The following CDH13 variants were observed in gnomAD, a reference collection of about 807,000 sequenced individuals.
CDH13 encodes the protein cadherin 13, also known as cadherin-13.
CDH13 carries 24 observed loss-of-function variants against 63.8 expected under a neutral mutation model. The ratio of observed to expected loss-of-function variants is 0.38; its 90% confidence interval spans 0.27 to 0.53. The LOEUF is 0.53. CDH13 is among the 20% of genes least tolerant of loss of function. The pLI, the probability that CDH13 is intolerant of heterozygous loss-of-function variation, is 0.85. For missense variants in CDH13, 1,049 were observed against 903.1 expected (o/e 1.16, Z -2.07); for synonymous variants, 503 against 355.3 (o/e 1.42, Z -4.67).
chr16:82,767,883 A>C (rs144503708), intron 1 of CDH13, among the ~76,000 whole-genome samples: 18 of 152,168 alleles, frequency 1.2e-4, no homozygotes, highest in Admixed American at 1.3e-4. Context: ...CTTTCCAGGG[A>C]GGGGCTAGAC....
chr16:83,464,723 C>T (rs907533881), intron 6 of CDH13, among the ~76,000 whole-genome samples: 5 of 152,264 alleles, frequency 3.3e-5, no homozygotes, highest in Middle Eastern at 3.4e-3. Flanking sequence ...ACCATAACCT[C>T]ATTTTAACTA....
intron 1 of CDH13, among the ~76,000 whole-genome samples, chr16:82,685,729 G>A (rs902644165): frequency 2.6e-5 from 4 of 152,162 alleles, no homozygotes; most frequent in African/African-American, 7.2e-5. Context: ...GGCAGCTTTC[G>A]CTTCAGTTGG....
intron 6 of CDH13, among the ~76,000 whole-genome samples, chr16:83,455,430 C>T (rs1379971720): frequency 2.6e-5 from 4 of 152,078 alleles, no homozygotes; most frequent in South Asian, 2.1e-4. Flanking sequence ...CCATTGCTGC[C>T]GTGTCTCTGT....
chr16:83,791,721 G>A (rs1324578552), intron 13 of CDH13, among the ~76,000 whole-genome samples: 2 of 145,858 alleles, frequency 1.4e-5, no homozygotes, highest in Non-Finnish European at 3.0e-5. Flanking sequence ...TGAGGCAGGA[G>A]AATCGCTTGA....
intron 7 of CDH13, among the ~76,000 whole-genome samples, chr16:83,547,699 G>A (rs894862547): frequency 1.3e-5 from 2 of 152,194 alleles, no homozygotes; most frequent in African/African-American, 4.8e-5. Flanking sequence ...CCAGTCTACA[G>A]TTGATGGGCA....
At chr16:83,132,611 T>G (rs895506255) in intron 4 of CDH13, among the ~76,000 whole-genome samples, 1 of 151,934 alleles carries the variant, frequency 6.6e-6, no homozygotes, top group South Asian at 2.1e-4. Context: ...GCCCAGCTAA[T>G]TTTTGTATTT....
intron 8 of CDH13, among the ~76,000 whole-genome samples, chr16:83,634,714 T>G (rs1396821667): frequency 6.6e-6 from 1 of 152,154 alleles, no homozygotes; most frequent in Non-Finnish European, 1.5e-5. Context: ...ATGAGCTCTT[T>G]TCACTAAGCA....
intron 4 of CDH13, among the ~76,000 whole-genome samples, chr16:83,157,738 T>TAAAAAAAAAAA (rs58336254): frequency 2.0e-5 from 2 of 99,526 alleles, no homozygotes; most frequent in African/African-American, 3.2e-5. Flanking sequence ...ACTAGAAATA[T>TAAAAAAAAAAA]AAAAAAAAAA....
At chr16:83,120,763 C>CTTTTTTTTTTT (rs750711823) in intron 3 of CDH13, among the ~76,000 whole-genome samples, 13,542 of 58,698 alleles carry the variant, frequency 0.23, 1,608 homozygotes, top group South Asian at 0.38. Context: ...AATTTTCTTT[C>CTTTTTTTTTTT]TTTTTTTTTT....
At chr16:83,502,290 G>T (rs1049696728) in intron 7 of CDH13, among the ~76,000 whole-genome samples, 8 of 152,192 alleles carry the variant, frequency 5.3e-5, no homozygotes, top group African/African-American at 1.9e-4. Context: ...GGGAATGGCT[G>T]GGTTGGAGAT....
At chr16:83,084,692 C>T (rs574535175) in intron 3 of CDH13, among the ~76,000 whole-genome samples, 12 of 152,116 alleles carry the variant, frequency 7.9e-5, no homozygotes, top group East Asian at 7.7e-4. Context: ...AGTTTGAGAC[C>T]GGCCTGGCCA....
chr16:82,670,169 A>G (rs752016613), intron 1 of CDH13, among the ~76,000 whole-genome samples: 47 of 152,136 alleles, frequency 3.1e-4, no homozygotes, highest in Non-Finnish European at 8.8e-5. Flanking sequence ...GGGAAGTTTT[A>G]ATAAAGTAGA....
chr16:83,688,817 G>C (rs9938488), intron 10 of CDH13, among the ~76,000 whole-genome samples: 38,160 of 152,104 alleles, frequency 0.25, 5,163 homozygotes, highest in East Asian at 0.36. Context: ...TATTAGCACA[G>C]ATGACTCTTG....
At chr16:83,046,811 T>A (rs1377221639) in intron 3 of CDH13, among the ~76,000 whole-genome samples, 1 of 152,140 alleles carries the variant, frequency 6.6e-6, no homozygotes, top group Non-Finnish European at 1.5e-5. Context: ...CCACCCTTCC[T>A]CTCCAACCTT....
In CDH13 at chr16:83,275,045, G is replaced by T. The variant is rs559011139; in HGVS notation, c.636+57548G>T. Among the ~76,000 whole-genome samples, 156 of 152,230 alleles carry T rather than the reference G, an allele frequency of 1.0e-3. 1 individual carries two copies. The highest frequency in any genetic ancestry group is 3.7e-4 in the Non-Finnish European group (25 of 68,024). ...TTATTTTTATCCAGAGAACTTGTCT[G>T]TCACTTCCCACTATTATACATGAGG... On this transcript the variant is annotated intron_variant, in intron 5 of 13. Coordinates refer to ENST00000567109, the MANE Select transcript of CDH13 (RefSeq NM_001257.5).
At chr16:82,659,462 G>T (rs1256596114) in intron 1 of CDH13, among the ~76,000 whole-genome samples, 1 of 152,166 alleles carries the variant, frequency 6.6e-6, no homozygotes, top group Non-Finnish European at 1.5e-5. Context: ...CTTAAAAATG[G>T]CAGCAAGCAG....
intron 2 of CDH13, among the ~76,000 whole-genome samples, chr16:83,005,920 C>T (rs117411422): frequency 6.6e-6 from 1 of 152,198 alleles, no homozygotes; most frequent in Non-Finnish European, 1.5e-5. Flanking sequence ...AGATTAAGCA[C>T]TGGTGTTTGG....
intron 4 of CDH13, among the ~76,000 whole-genome samples, chr16:83,143,754 C>A (rs2036632619): frequency 6.6e-6 from 1 of 152,154 alleles, no homozygotes; most frequent in Admixed American, 6.5e-5. Context: ...CTCTTGAGTG[C>A]TTTTTAAACT....
chr16:83,194,981 G>T (rs1214169586), intron 4 of CDH13, among the ~76,000 whole-genome samples: 1 of 151,996 alleles, frequency 6.6e-6, no homozygotes, highest in African/African-American at 2.4e-5. Context: ...TTTTCATATA[G>T]GTAAAAAAAG....
Sources: gnomAD v4.1 joint callset for allele counts (sites outside exome capture counted in the v4.1 genomes callset) on GRCh38, gnomAD v4.1.1 for gene constraint, MANE v1.5 for transcripts, NCBI Gene and HGNC (gene_info 2026-07-23, HGNC 2026-07-21) for gene names.